The following BBOX1 variants were observed in gnomAD, a reference collection of about 807,000 sequenced individuals.
BBOX1 encodes the protein gamma-butyrobetaine hydroxylase 1, also known as gamma-butyrobetaine dioxygenase.
In BBOX1, 35 loss-of-function variants were observed where a neutral mutation model predicts 41.6. The ratio of observed to expected loss-of-function variants is 0.84; its 90% CI spans 0.64 to 1.11. The LOEUF (loss-of-function observed/expected upper bound fraction) is 1.11. Ranked by LOEUF, BBOX1 falls within the 50% of genes most tolerant of loss-of-function variation. The pLI is 0.00. For synonymous variants in BBOX1, 163 were observed against 154.7 expected (o/e 1.05, Z -0.40); for missense variants, 458 against 460.6 (o/e 0.99, Z 0.05).
intron 7 of BBOX1, among the ~76,000 whole-genome samples, 177 bp from the exon 8 acceptor site, chr11:27,125,477 G>C (rs1482014676): frequency 6.6e-6 from 1 of 151,836 alleles, no homozygotes; most frequent in Non-Finnish European, 1.5e-5. Context: ...AAATCTAAAT[G>C]AATGAATGAA....
At chr11:27,095,281 G>C (rs1383050440) in intron 5 of BBOX1, among the ~76,000 whole-genome samples, 3 of 151,928 alleles carry the variant, frequency 2.0e-5, no homozygotes, top group African/African-American at 7.2e-5. Flanking sequence ...AATTTCATAA[G>C]AGTGGCCAAA....
chr11:27,116,422 T>C (rs992968066), intron 6 of BBOX1, among the ~76,000 whole-genome samples: 1 of 151,512 alleles, frequency 6.6e-6, no homozygotes, highest in African/African-American at 2.4e-5. Context: ...TGTATATATA[T>C]GTAACAAACC....
chr11:27,079,243 T>C (rs191340428), intron 4 of BBOX1, among the ~76,000 whole-genome samples: 1 of 152,294 alleles, frequency 6.6e-6, no homozygotes, highest in Admixed American at 6.5e-5. Context: ...ACCTGGTAGA[T>C]AGTTTCACTT....
At chr11:27,068,737 G>A (rs1857360963) in intron 4 of BBOX1, among the ~76,000 whole-genome samples, 1 of 151,942 alleles carries the variant, frequency 6.6e-6, no homozygotes, top group Admixed American at 6.6e-5. Flanking sequence ...TCCATCTTGA[G>A]TTGATTTTTT....
At chr11:27,103,531 A>C (rs1858745952) in intron 5 of BBOX1, among the ~76,000 whole-genome samples, 1 of 151,532 alleles carries the variant, frequency 6.6e-6, no homozygotes, top group Admixed American at 6.6e-5. Flanking sequence ...AGTTACGTTT[A>C]TTTGATCTTG....
At chr11:27,049,910 T>C (rs1375693590) in intron 2 of BBOX1, among the ~76,000 whole-genome samples, 1 of 152,154 alleles carries the variant, frequency 6.6e-6, no homozygotes, top group Non-Finnish European at 1.5e-5. Flanking sequence ...TTTGGGTTCA[T>C]ATCCAAAAAA....
At chr11:27,043,400 A>C (rs1231630976) in intron 2 of BBOX1, among the ~76,000 whole-genome samples, 1 of 151,814 alleles carries the variant, frequency 6.6e-6, no homozygotes, top group Non-Finnish European at 1.5e-5. Flanking sequence ...GTGCTGGGGT[A>C]CATGTGCAGA....
rs750865588 is a variant in BBOX1, at chr11:27,119,776, T to C, written c.767T>C (p.Phe256Ser). Residue 256 changes from phenylalanine to serine, a missense_variant, in exon 7 of 9, where the codon TTT (phenylalanine) becomes TCT (serine). Phe to Ser is a radical substitution (Grantham distance 155). Coordinates refer to ENST00000263182, the MANE Select transcript of BBOX1 (RefSeq NM_003986.3). ...GCATTCCAGATTTTGTCCTCTACCTTTGTGGACTTTACAGACATTGGAGTG... is the reference window on the plus strand; with the variant it reads ...GCATTCCAGATTTTGTCCTCTACCTCTGTGGACTTTACAGACATTGGAGTG... ...PQAFQILSST[F>S]VDFTDIGVDY... is the part of the protein sequence containing the mutation. The C allele has an allele frequency of 3.1e-6, 5 of 1,600,684 alleles. No homozygotes were observed. In the Admixed American group the frequency reaches 5.3e-5, roughly 17 times the overall value.
chr11:27,063,333 T>C (rs1857185909), intron 4 of BBOX1, among the ~76,000 whole-genome samples: 1 of 152,132 alleles, frequency 6.6e-6, no homozygotes, highest in South Asian at 2.1e-4. Context: ...TATATGCTCA[T>C]TTTTGTCACT....
intron 5 of BBOX1, among the ~76,000 whole-genome samples, chr11:27,109,775 G>A (rs569017125): frequency 6.6e-6 from 1 of 152,046 alleles, no homozygotes; most frequent in East Asian, 1.9e-4. Context: ...TGAAACACTA[G>A]GGAGGTTTTC....
chr11:27,117,005 ATTCT>A (rs1859290986), intron 6 of BBOX1, among the ~76,000 whole-genome samples: 1 of 152,024 alleles, frequency 6.6e-6, no homozygotes, highest in Admixed American at 6.6e-5. Context: ...CTGGGTGGAC[ATTCT>A]TTCTCTACAT....
intron 6 of BBOX1, among the ~76,000 whole-genome samples, chr11:27,117,567 C>T (rs747078643): frequency 6.6e-6 from 1 of 151,822 alleles, no homozygotes; most frequent in Non-Finnish European, 1.5e-5. Context: ...CCAAACATAG[C>T]TTGAGGGAGT....
intron 6 of BBOX1, among the ~76,000 whole-genome samples, chr11:27,118,495 G>A (rs895903267): frequency 2.0e-5 from 3 of 152,010 alleles, no homozygotes; most frequent in African/African-American, 7.2e-5. Context: ...ATGTGGGGCA[G>A]AGATAAGGCA....
At chr11:27,048,620 A>G (rs1851567231) in intron 2 of BBOX1, among the ~76,000 whole-genome samples, 2 of 152,134 alleles carry the variant, frequency 1.3e-5, no homozygotes, top group South Asian at 2.1e-4. Context: ...ATGGACAATT[A>G]GTTGATTCCA....
At chr11:27,041,791 C>A (rs1394901253) in intron 2 of BBOX1, among the ~76,000 whole-genome samples, 1 of 152,060 alleles carries the variant, frequency 6.6e-6, no homozygotes, top group Admixed American at 6.5e-5. Flanking sequence ...CTAAGCTGAT[C>A]CAGAAAGTAA....
At chr11:27,043,881 G>A (rs1259324730) in intron 2 of BBOX1, among the ~76,000 whole-genome samples, 1 of 152,100 alleles carries the variant, frequency 6.6e-6, no homozygotes, top group African/African-American at 2.4e-5. Context: ...CTTTGCCATT[G>A]TGAACAGTGC....
At position 27,060,048 on chromosome 11, in the gene BBOX1, G is replaced by A. The variant is rs1857094750; in HGVS notation, c.334+2733G>A. ...ATTTTGCAATGTGAGAAGTACATGA[G>A]ATTTGGGGGGCGAGGAGCAAAATGA... On this transcript the variant is annotated intron_variant, in intron 4 of 8. Transcript: ENST00000263182. 2.0e-5 allele frequency among the ~76,000 whole-genome samples: 3 copies of A among 152,120 alleles called. No individual in the cohort carries two copies. In the South Asian group the frequency reaches 6.2e-4, roughly 32 times the overall value.
Position 27,079,784 on chromosome 11 carries a change from C to T in BBOX1, c.335-13384C>T, listed in dbSNP as rs558541107. The stretch of plus-strand genomic sequence containing the variant: ...ATGTTCTAAGATTAATTCTGCTCCA[C>T]ATACAGCATTTTCCATCTCAACTGA... On this transcript the variant is annotated intron_variant, in intron 4 of 8. Coordinates refer to ENST00000263182, the MANE Select transcript of BBOX1 (RefSeq NM_003986.3). Among the ~76,000 whole-genome samples the T allele has an allele frequency of 7.2e-5, 11 of 152,228 alleles. No homozygotes were observed. In the South Asian group the frequency reaches 2.1e-3, roughly 29 times the overall value.
intron 5 of BBOX1, among the ~76,000 whole-genome samples, chr11:27,094,850 C>T (rs945531427): frequency 5.3e-5 from 8 of 152,088 alleles, no homozygotes; most frequent in African/African-American, 1.9e-4. Flanking sequence ...ATCTCCCTTA[C>T]ACCTGCAAGA....
Sources: allele counts gnomAD v4.1 joint callset (sites outside exome capture counted in the v4.1 genomes callset), GRCh38; gene constraint gnomAD v4.1.1; transcripts MANE v1.5; gene names NCBI Gene and HGNC (gene_info 2026-07-23, HGNC 2026-07-21).